The following MCU variants were observed in gnomAD, a reference collection of about 807,000 sequenced individuals.
MCU encodes mitochondrial calcium uniporter.
Under a neutral mutation model 45.2 loss-of-function variants are expected in MCU, and 12 were observed. The ratio of observed to expected loss-of-function variants is 0.27; its 90% confidence interval spans 0.17 to 0.43. The LOEUF is 0.43. MCU is among the 20% of genes least tolerant of loss of function. MCU has a pLI of 1.00. For synonymous variants in MCU, 160 were observed against 165.1 expected, an observed-to-expected ratio of 0.97 and a Z score of 0.24; for missense variants, 324 against 436.7, an observed-to-expected ratio of 0.74 and a Z score of 2.30.
chr10:72,744,424 C>A (rs1843381447), intron 1 of MCU, among the ~76,000 whole-genome samples: 1 of 152,086 alleles, frequency 6.6e-6, no homozygotes, highest in Non-Finnish European at 1.5e-5. Context: ...GGCTCACTGG[C>A]CATAGCTTTG....
At chr10:72,745,970 A>G (rs560289491) in intron 1 of MCU, among the ~76,000 whole-genome samples, 54 of 152,216 alleles carry the variant, frequency 3.5e-4, no homozygotes, top group African/African-American at 1.0e-3. Flanking sequence ...CATCTTCATT[A>G]TTCTGTACTG....
chr10:72,779,591 C>G (rs773557975), intron 1 of MCU, among the ~76,000 whole-genome samples: 2 of 151,964 alleles, frequency 1.3e-5, no homozygotes, highest in Non-Finnish European at 2.9e-5. Context: ...CCCAATAATA[C>G]AAGGAACAAA....
chr10:72,754,019 G>A (rs1843539506), intron 1 of MCU, among the ~76,000 whole-genome samples: 2 of 152,318 alleles, frequency 1.3e-5, no homozygotes, highest in African/African-American at 4.8e-5. Flanking sequence ...ATTGCAAGTA[G>A]CAATTGTTAT....
At chr10:72,753,761 C>T (rs1843534918) in intron 1 of MCU, among the ~76,000 whole-genome samples, 1 of 151,944 alleles carries the variant, frequency 6.6e-6, no homozygotes, top group African/African-American at 2.4e-5. Flanking sequence ...CGCTTCTGGA[C>T]CCAGCTACTT....
intron 2 of MCU, among the ~76,000 whole-genome samples, chr10:72,837,501 C>T (rs1844972142): frequency 1.3e-5 from 2 of 152,098 alleles, no homozygotes; most frequent in Admixed American, 1.3e-4. Context: ...AGCCTGTTTC[C>T]TCATTCGTGA....
At chr10:72,694,524 A>T (rs1842663287) in intron 1 of MCU, among the ~76,000 whole-genome samples, 2 of 152,202 alleles carry the variant, frequency 1.3e-5, no homozygotes, top group Admixed American at 1.3e-4. Flanking sequence ...ATGAATGGGA[A>T]TTCTCCTGTA....
intron 1 of MCU, among the ~76,000 whole-genome samples, chr10:72,820,680 T>G (rs1741771192): frequency 6.6e-6 from 1 of 152,090 alleles, no homozygotes; most frequent in Non-Finnish European, 1.5e-5. Flanking sequence ...CCAGCTAATT[T>G]TTTGTATTTT....
chr10:72,757,328 G>A (rs1843592780), intron 1 of MCU, among the ~76,000 whole-genome samples: 1 of 152,114 alleles, frequency 6.6e-6, no homozygotes, highest in Admixed American at 6.5e-5. Flanking sequence ...TATTGTATAA[G>A]GAGTACAAAC....
intron 1 of MCU, chr10:72,692,792 G>C: frequency 1.4e-6 from 2 of 1,411,806 alleles, no homozygotes; most frequent in Non-Finnish European, 1.8e-6. Flanking sequence ...GAGCAGCCCA[G>C]GACCCCGGCG....
chr10:72,784,032 C>A (rs1038324910), intron 1 of MCU, among the ~76,000 whole-genome samples: 3 of 152,100 alleles, frequency 2.0e-5, no homozygotes. Flanking sequence ...CGTAATTAAC[C>A]CTGCTGCTTG....
intron 2 of MCU, among the ~76,000 whole-genome samples, chr10:72,845,934 T>C (rs1223383995): frequency 5.9e-5 from 9 of 152,132 alleles, no homozygotes; most frequent in Non-Finnish European, 1.3e-4. Context: ...CCATGATCCT[T>C]TATATATAGG....
chr10:72,809,998 C>CTG (rs1844512963), intron 1 of MCU, among the ~76,000 whole-genome samples: 1 of 125,308 alleles, frequency 8.0e-6, no homozygotes, highest in Non-Finnish European at 2.0e-5. Flanking sequence ...AGGCAGGCTT[C>CTG]TGTGTGTGCA....
chr10:72,788,012 C>T (rs1215505955), intron 1 of MCU, among the ~76,000 whole-genome samples: 3 of 152,160 alleles, frequency 2.0e-5, no homozygotes, highest in East Asian at 1.9e-4. Flanking sequence ...CCACTGCGCC[C>T]GGCCTAGAAT....
At chr10:72,698,481 C>T (rs1161013410) in intron 1 of MCU, among the ~76,000 whole-genome samples, 2 of 152,160 alleles carry the variant, frequency 1.3e-5, no homozygotes, top group Non-Finnish European at 2.9e-5. Flanking sequence ...CTTTTAATAT[C>T]TCAGGATAGC....
intron 4 of MCU, among the ~76,000 whole-genome samples, chr10:72,866,713 G>T (rs1192663408): frequency 6.6e-6 from 1 of 152,068 alleles, no homozygotes; most frequent in Non-Finnish European, 1.5e-5. Context: ...AATACATGGG[G>T]AAGATGGAAG....
intron 1 of MCU, among the ~76,000 whole-genome samples, chr10:72,780,552 T>TGTGTGTGTGTGTGTGTGTGTGTGTGTG (rs770728826): frequency 1.3e-3 from 27 of 20,312 alleles, no homozygotes; most frequent in South Asian, 5.3e-3. Context: ...GTGTGTGTGT[T>TGTGTGTGTGTGTGTGTGTGTGTGTGTG]GGGTGAATTT....
At chr10:72,761,431 T>C (rs1270211799) in intron 1 of MCU, among the ~76,000 whole-genome samples, 1 of 152,158 alleles carries the variant, frequency 6.6e-6, no homozygotes, top group Non-Finnish European at 1.5e-5. Context: ...TATTCTGAGG[T>C]ACAAAGAAAA....
intron 1 of MCU, among the ~76,000 whole-genome samples, chr10:72,775,944 C>G (rs1843885972): frequency 6.6e-6 from 1 of 151,932 alleles, no homozygotes; most frequent in Non-Finnish European, 1.5e-5. Flanking sequence ...GTGGGAGGAT[C>G]CCCTGAGACT....
intron 1 of MCU, among the ~76,000 whole-genome samples, chr10:72,799,149 C>T (rs1349952037): frequency 6.6e-6 from 1 of 151,992 alleles, no homozygotes; most frequent in Non-Finnish European, 1.5e-5. Flanking sequence ...TGGTCTCGAA[C>T]TCCTGACCTT....
Sources: gnomAD v4.1 joint callset for allele counts (sites outside exome capture counted in the v4.1 genomes callset) on GRCh38, gnomAD v4.1.1 for gene constraint, MANE v1.5 for transcripts, NCBI Gene and HGNC (gene_info 2026-07-23, HGNC 2026-07-21) for gene names.